Variants in PPP3CA observed in about 807,000 individuals in gnomAD.
The protein encoded by PPP3CA is CAM-PRP catalytic subunit.
Under a neutral mutation model 66.5 loss-of-function variants are expected in PPP3CA, and 14 were observed. That is an observed-to-expected ratio of 0.21 (90% CI 0.14 to 0.33). PPP3CA has a LOEUF of 0.33. Ranked by LOEUF, PPP3CA falls within the 10% of genes least tolerant of loss-of-function variation. PPP3CA has a pLI of 1.00. For synonymous variants in PPP3CA, 232 were observed against 226.2 expected, an observed-to-expected ratio of 1.03 and a Z score of -0.23; for missense variants, 317 against 639.5, an observed-to-expected ratio of 0.50 and a Z score of 5.44.
chr4:101,144,974 C>T lies in PPP3CA; in HGVS notation c.260-35896G>A, dbSNP rs565775117. On this transcript the variant is annotated intron_variant, in intron 2 of 13. Coordinates refer to ENST00000394854, the MANE Select transcript of PPP3CA (RefSeq NM_000944.5). Reference sequence around the variant, plus strand: ...TTATAAACATATATGAATACAAATACAAAAATTAGAAATACTTCCCTTTGA... The same window carrying T: ...TTATAAACATATATGAATACAAATATAAAAATTAGAAATACTTCCCTTTGA... Among the ~76,000 whole-genome samples, 3 of 152,144 alleles carry T rather than the reference C, an allele frequency of 2.0e-5. No homozygotes were observed. In the South Asian group the frequency reaches 6.2e-4, roughly 32 times the overall value.
At chr4:101,320,503 C>T (rs1472011981) in intron 1 of PPP3CA, among the ~76,000 whole-genome samples, 3 of 145,734 alleles carry the variant, frequency 2.1e-5, no homozygotes, top group African/African-American at 5.0e-5. Flanking sequence ...TACACACACA[C>T]ACACACACAT....
intron 1 of PPP3CA, among the ~76,000 whole-genome samples, chr4:101,235,992 T>TATTACCACAGCTGATACAAAATCTG (rs1726115883): frequency 6.6e-6 from 1 of 150,988 alleles, no homozygotes; most frequent in Non-Finnish European, 1.5e-5. Context: ...AAGACCATTA[T>TATTACCACAGCTGATACAAAATCTG]ATTACCACAG....
At chr4:101,153,323 A>T (rs1033013379) in intron 2 of PPP3CA, among the ~76,000 whole-genome samples, 1 of 152,224 alleles carries the variant, frequency 6.6e-6, no homozygotes, top group Non-Finnish European at 1.5e-5. Context: ...ATTATACCAA[A>T]TAAACATCCC....
At position 101,324,148 on chromosome 4, in the gene PPP3CA, GGGAGGGAGGAA is replaced by G. The variant is rs1252981706; in HGVS notation, c.58+22580_58+22590del. Among the ~76,000 whole-genome samples, 1,235 of 125,938 alleles carry G rather than the reference GGGAGGGAGGAA, an allele frequency of 9.8e-3. 33 individuals are homozygous for G. Among genetic ancestry groups the G allele is most frequent in the African/African-American group, 0.045 (1,153 of 25,676 alleles). The allele number at this position is 125,938 out of a possible 152,430, so 82.6% of individuals were successfully genotyped here. On this transcript the variant is annotated intron_variant, in intron 1 of 13. Coordinates refer to ENST00000394854, the MANE Select transcript of PPP3CA (RefSeq NM_000944.5). ...AAAGGAAGGGAAGGAAGGGAAGGAA[GGGAGGGAGGAA>G]GGAAGGAAGGAAGGAAGGAAGGAAG...
At chr4:101,341,543 T>C (rs1269177437) in intron 1 of PPP3CA, among the ~76,000 whole-genome samples, 1 of 152,210 alleles carries the variant, frequency 6.6e-6, no homozygotes, top group East Asian at 1.9e-4. Flanking sequence ...TTTCTAATTC[T>C]GTGTTAGCAG....
chr4:101,269,571 T>TGC (rs1727271347), intron 1 of PPP3CA, among the ~76,000 whole-genome samples: 1 of 99,848 alleles, frequency 1.0e-5, no homozygotes, highest in African/African-American at 3.6e-5. Flanking sequence ...TGTGTGTGTG[T>TGC]GTGTGTGTGT....
At chr4:101,198,760 G>C (rs571522645) in intron 1 of PPP3CA, among the ~76,000 whole-genome samples, 1 of 152,262 alleles carries the variant, frequency 6.6e-6, no homozygotes, top group South Asian at 2.1e-4. Context: ...CCAAGGCCAA[G>C]ATCACTGCAA....
At chr4:101,325,110 G>A (rs1259359864) in intron 1 of PPP3CA, among the ~76,000 whole-genome samples, 1 of 152,146 alleles carries the variant, frequency 6.6e-6, no homozygotes, top group African/African-American at 2.4e-5. Flanking sequence ...GGCTTACCTA[G>A]ATAGTCTAAT....
rs1388718257 is a variant in PPP3CA at position 101,106,486 on chromosome 4, AAAAGAAAAGAAAAG to A, written c.384+2454_384+2467del. On this transcript the variant is annotated intron_variant, in intron 3 of 13. Transcript: ENST00000394854. ...AAAAGAAAAGAAAAGAAAAGAAAAGAAAAGAAAAGAAAAGAAAGAAAGAAAGAAAAAGAAAGAAA... is the reference window on the plus strand; with the variant it reads ...AAAAGAAAAGAAAAGAAAAGAAAAGAAAAGAAAGAAAGAAAAAGAAAGAAA... 5.0e-3 allele frequency among the ~76,000 whole-genome samples: 404 copies of A among 80,688 alleles called. 31 individuals are homozygous for A. The highest frequency in any genetic ancestry group is 0.012 in the African/African-American group (153 of 12,856). 52.9% of individuals were successfully genotyped at this position (80,688 alleles called of 152,430 possible). A position where few individuals can be genotyped will look rare whatever the true frequency, so the allele number is the denominator to read the frequency against.
intron 1 of PPP3CA, among the ~76,000 whole-genome samples, chr4:101,203,795 C>A (rs529488153): frequency 6.6e-6 from 1 of 152,200 alleles, no homozygotes; most frequent in South Asian, 2.1e-4. Flanking sequence ...GAAGTTCTAT[C>A]ACAACACTAC....
At chr4:101,221,093 T>A (rs1367601601) in intron 1 of PPP3CA, among the ~76,000 whole-genome samples, 2 of 151,606 alleles carry the variant, frequency 1.3e-5, no homozygotes, top group African/African-American at 4.8e-5. Context: ...ACTTCCAAAT[T>A]CCTCCTATGA....
chr4:101,171,115 G>A, intron 2 of PPP3CA: 1 of 451,970 alleles, frequency 2.2e-6, no homozygotes, highest in South Asian at 1.6e-5. Context: ...CCTTTGGGTG[G>A]TTGTCAGTAG....
intron 1 of PPP3CA, among the ~76,000 whole-genome samples, chr4:101,211,263 T>C (rs960523132): frequency 2.6e-5 from 4 of 152,124 alleles, no homozygotes; most frequent in African/African-American, 9.7e-5. Context: ...GATCCAAAGG[T>C]AATTAAGGGA....
At chr4:101,106,352 C>T (rs1730672046) in intron 3 of PPP3CA, among the ~76,000 whole-genome samples, 1 of 98,518 alleles carries the variant, frequency 1.0e-5, no homozygotes, top group Non-Finnish European at 2.2e-5. Context: ...AGAGGGAGAC[C>T]CTGTCTCATT....
At chr4:101,234,835 T>C (rs2110227508) in intron 1 of PPP3CA, among the ~76,000 whole-genome samples, 1 of 151,872 alleles carries the variant, frequency 6.6e-6, no homozygotes, top group South Asian at 2.1e-4. Flanking sequence ...TCACAGCTTT[T>C]TTGCCCAAAA....
At chr4:101,041,321 A>G (rs936940104) in intron 10 of PPP3CA, among the ~76,000 whole-genome samples, 45 of 151,766 alleles carry the variant, frequency 3.0e-4, no homozygotes, top group Admixed American at 2.8e-3. Flanking sequence ...TAAACATATT[A>G]TTTTAAAATA....
Position 101,109,007 on chromosome 4 carries a change from T to C in PPP3CA, c.331A>G (p.Thr111Ala), listed in dbSNP as rs1721551414. 6.2e-7 allele frequency: 1 copy of C among 1,613,284 alleles called. No individual in the cohort carries two copies. Among genetic ancestry groups the C allele is most frequent in the Non-Finnish European group, 8.5e-7 (1 of 1,179,656 alleles). ...LFEVGGSPAN[T>A]RYLFLGDYVD... Reference sequence around the variant, plus strand: ...TAGTCCCCTAAGAAGAGGTAGCGAGTGTTGGCAGGAGATCCCCCGACTTCA... The same window carrying C: ...TAGTCCCCTAAGAAGAGGTAGCGAGCGTTGGCAGGAGATCCCCCGACTTCA... Residue 111 changes from threonine to alanine, a missense_variant, in exon 3 of 14, where the codon ACT becomes GCT. Physicochemically the swap from Thr to Ala is moderately conservative, Grantham distance 58. Around this residue, in one of 3 missense-constraint regions of PPP3CA, gnomAD observed 201 missense variants for 501.4 expected, o/e 0.40. Transcript: ENST00000394854.
intron 1 of PPP3CA, among the ~76,000 whole-genome samples, chr4:101,249,847 T>C (rs189227235): frequency 1.3e-5 from 2 of 152,262 alleles, no homozygotes; most frequent in East Asian, 1.9e-4. Context: ...TTTTATATTA[T>C]TTTATATTTT....
chr4:101,113,201 T>G (rs901265331), intron 2 of PPP3CA, among the ~76,000 whole-genome samples: 1 of 152,150 alleles, frequency 6.6e-6, no homozygotes, highest in Non-Finnish European at 1.5e-5. Flanking sequence ...CACCTAACTC[T>G]ACATCAGAAC....
Sources: gnomAD v4.1 joint callset for allele counts (sites outside exome capture counted in the v4.1 genomes callset) on GRCh38, gnomAD v4.1.1 for gene constraint, gnomAD v4.1.1 regional missense constraint, MANE v1.5 for transcripts, NCBI Gene and HGNC (gene_info 2026-07-23, HGNC 2026-07-21) for gene names.